The following PRKN variants were observed in gnomAD, a reference collection of about 807,000 sequenced individuals.
PRKN encodes the protein parkin RBR E3 ubiquitin protein ligase.
Under a neutral mutation model 59.5 loss-of-function variants are expected in PRKN, and 56 were observed. That is an observed-to-expected ratio of 0.94 (90% CI 0.76 to 1.18). The LOEUF (loss-of-function observed/expected upper bound fraction) is 1.18, where lower values mean the gene tolerates loss of function less well. Among genes scored for constraint, PRKN ranks in the 50% most tolerant of loss-of-function variants. PRKN has a pLI of 0.00. For synonymous variants in PRKN, 250 were observed against 222.1 expected (o/e 1.13, Z -1.12); for missense variants, 657 against 596.4 (o/e 1.10, Z -1.06).
chr6:162,664,042 C>T (rs1779000601), intron 1 of PRKN, among the ~76,000 whole-genome samples: 1 of 152,054 alleles, frequency 6.6e-6, no homozygotes, highest in Non-Finnish European at 1.5e-5. Flanking sequence ...GAAGTTCCTT[C>T]CCCTCACCCT....
chr6:162,332,289 C>T (rs1400227318), intron 2 of PRKN, among the ~76,000 whole-genome samples: 1 of 152,194 alleles, frequency 6.6e-6, no homozygotes, highest in East Asian at 1.9e-4. Context: ...CAAGCAGCAG[C>T]TTCCCCTGCA....
intron 6 of PRKN, among the ~76,000 whole-genome samples, chr6:161,899,534 G>T (rs571595332): frequency 3.3e-5 from 5 of 152,264 alleles, no homozygotes; most frequent in African/African-American, 1.2e-4. Context: ...GGGTTGAGGG[G>T]AATGTTTATT....
chr6:162,406,487 T>C (rs1788080223), intron 2 of PRKN, among the ~76,000 whole-genome samples: 1 of 152,240 alleles, frequency 6.6e-6, no homozygotes, highest in Admixed American at 6.5e-5. Context: ...CAGCATTTCC[T>C]AGCTACATTT....
At chr6:162,536,873 ATTTC>A (rs1778742511) in intron 1 of PRKN, among the ~76,000 whole-genome samples, 1 of 152,216 alleles carries the variant, frequency 6.6e-6, no homozygotes, top group Admixed American at 6.5e-5. Context: ...AGATGCATTG[ATTTC>A]TTTCTCCAAA....
chr6:162,122,561 A>T (rs1780957406), intron 4 of PRKN, among the ~76,000 whole-genome samples: 1 of 152,144 alleles, frequency 6.6e-6, no homozygotes, highest in Admixed American at 6.5e-5. Flanking sequence ...TTTTGCTGCA[A>T]AGGAAGTATG....
chr6:162,697,337 T>C (rs1778006626), intron 1 of PRKN, among the ~76,000 whole-genome samples: 1 of 152,116 alleles, frequency 6.6e-6, no homozygotes, highest in South Asian at 2.1e-4. Context: ...AGGTTTGAGA[T>C]TTTTTTAAAT....
chr6:161,377,303 G>A lies in PRKN; in HGVS notation c.1167+9491C>T, dbSNP rs891267171. On this transcript the variant is annotated intron_variant, in intron 10 of 11. Transcript: ENST00000366898. The surrounding 1 kb of genome is among the most constrained non-coding windows in gnomAD (Gnocchi z 4.2). Reference sequence around the variant, plus strand: ...TAGGCCCAGGCCCAAGCAGGCCCACGGGGCGTGAGCGAGCTGCACAAGCAG... The same window carrying A: ...TAGGCCCAGGCCCAAGCAGGCCCACAGGGCGTGAGCGAGCTGCACAAGCAG... Among the ~76,000 whole-genome samples, 10 of 152,216 alleles carry A rather than the reference G, an allele frequency of 6.6e-5. No homozygotes were observed. The East Asian group carries it at 9.7e-4, about 15-fold the overall frequency.
chr6:161,819,843 T>C (rs1214667901), intron 6 of PRKN, among the ~76,000 whole-genome samples: 3 of 152,168 alleles, frequency 2.0e-5, no homozygotes, highest in Non-Finnish European at 4.4e-5. Flanking sequence ...ATATTTAACA[T>C]GTGCTTAGAA....
chr6:162,120,596 C>A (rs760595506), intron 4 of PRKN, among the ~76,000 whole-genome samples: 7 of 152,134 alleles, frequency 4.6e-5, no homozygotes, highest in African/African-American at 1.7e-4. Context: ...GTCTATTTTA[C>A]GGAGATTGCA....
chr6:162,645,583 G>A (rs1252495027), intron 1 of PRKN, among the ~76,000 whole-genome samples: 1 of 152,012 alleles, frequency 6.6e-6, no homozygotes. Context: ...TTGTTTAGCT[G>A]TATGGGCCAC....
intron 4 of PRKN, among the ~76,000 whole-genome samples, chr6:162,188,169 G>A (rs1015701490): frequency 1.3e-5 from 2 of 152,166 alleles, no homozygotes; most frequent in Non-Finnish European, 2.9e-5. Flanking sequence ...CCCCAGCCGT[G>A]TGGAACTGTA....
At chr6:162,415,580 G>A (rs1338742054) in intron 2 of PRKN, among the ~76,000 whole-genome samples, 2 of 152,130 alleles carry the variant, frequency 1.3e-5, no homozygotes, top group Non-Finnish European at 2.9e-5. Context: ...AGCACTTTGG[G>A]AGGGTGAAGC....
At chr6:162,524,026 C>A (rs1178372534) in intron 1 of PRKN, among the ~76,000 whole-genome samples, 2 of 151,916 alleles carry the variant, frequency 1.3e-5, no homozygotes, top group Non-Finnish European at 2.9e-5. Flanking sequence ...CCTTTCTGTG[C>A]CCCCGTTATA....
intron 2 of PRKN, among the ~76,000 whole-genome samples, chr6:162,431,557 C>CAA (rs148919540): frequency 1.3e-5 from 2 of 150,784 alleles, no homozygotes; most frequent in African/African-American, 4.9e-5. Context: ...GACTCTGTCT[C>CAA]AAAAAAAACA....
intron 2 of PRKN, among the ~76,000 whole-genome samples, chr6:162,433,224 A>G: frequency 6.6e-6 from 1 of 152,220 alleles, no homozygotes; most frequent in Non-Finnish European, 1.5e-5. Flanking sequence ...TTCATATAAC[A>G]CTCAAAACAA....
At position 161,456,262 on chromosome 6, in the gene PRKN, C is replaced by A. The variant is rs1789964098; in HGVS notation, c.1084-69385G>T. On this transcript the variant is annotated intron_variant, in intron 9 of 11. Coordinates refer to ENST00000366898, the MANE Select transcript of PRKN (RefSeq NM_004562.3). This position sits in a 1 kb window ranked among gnomAD's most constrained non-coding sequence, Gnocchi z 4.8. ...CCAGTGCAGCTAAGATAAAAGCAGGCAGAAGGGTGTGGAAGGCCTAGACTG... is the reference window on the plus strand; with the variant it reads ...CCAGTGCAGCTAAGATAAAAGCAGGAAGAAGGGTGTGGAAGGCCTAGACTG... Among the ~76,000 whole-genome samples, 1 of 152,186 alleles carries A rather than the reference C, an allele frequency of 6.6e-6. No individual in the cohort carries two copies. The highest frequency in any genetic ancestry group is 2.1e-4 in the South Asian group (1 of 4,832).
chr6:162,131,525 G>A (rs902530096), intron 4 of PRKN, among the ~76,000 whole-genome samples: 1 of 152,180 alleles, frequency 6.6e-6, no homozygotes, highest in African/African-American at 2.4e-5. Context: ...CTGAATTAAT[G>A]AAGCTATTTG....
intron 4 of PRKN, among the ~76,000 whole-genome samples, chr6:162,063,530 A>T (rs1003321252): frequency 3.9e-5 from 6 of 152,142 alleles, no homozygotes; most frequent in African/African-American, 9.7e-5. Flanking sequence ...ACCACTTTGA[A>T]AACGGTTTTG....
rs1025338385 is a variant in PRKN at position 161,440,395 on chromosome 6, A to G, written c.1084-53518T>C. Among the ~76,000 whole-genome samples the G allele has an allele frequency of 1.3e-5, 2 of 152,160 alleles. No homozygotes were observed. The highest frequency in any genetic ancestry group is 3.2e-3 in the Middle Eastern group (1 of 316). Reference sequence around the variant, plus strand: ...GACTCTGCTAAACATCCTACAATGCAAAGAACAGTCCCCCTGACAAAGGAT... The same window carrying G: ...GACTCTGCTAAACATCCTACAATGCGAAGAACAGTCCCCCTGACAAAGGAT... On this transcript the variant is annotated intron_variant, in intron 9 of 11. Transcript: ENST00000366898. This position sits in a 1 kb window ranked among gnomAD's most constrained non-coding sequence, Gnocchi z 4.1.
Sources: allele counts gnomAD v4.1 joint callset (sites outside exome capture counted in the v4.1 genomes callset), GRCh38; gene constraint gnomAD v4.1.1; non-coding constraint Gnocchi (gnomAD v3.1); transcripts MANE v1.5; gene names NCBI Gene and HGNC (gene_info 2026-07-23, HGNC 2026-07-21).